GLCCI1: variants seen among roughly 807,000 people sequenced by gnomAD.
The protein encoded by GLCCI1 is glucocorticoid-induced transcript 1 protein.
GLCCI1 carries 24 observed loss-of-function variants against 52.2 expected under a neutral mutation model. The observed-to-expected ratio is 0.46, with a 90% CI of 0.33 to 0.65. The LOEUF (loss-of-function observed/expected upper bound fraction) is 0.65, where lower values mean the gene tolerates loss of function less well. GLCCI1 is among the 30% of genes least tolerant of loss of function. The probability of loss-of-function intolerance (pLI) is 0.02; values close to 1 mark genes in which losing one functional copy is unlikely to be tolerated. For missense variants in GLCCI1, 704 were observed against 701.5 expected (o/e 1.00, Z -0.04); for synonymous variants, 310 against 276.5 (o/e 1.12, Z -1.20).
At chr7:8,076,427 A>T (rs1435098232) in intron 6 of GLCCI1, among the ~76,000 whole-genome samples, 5 of 152,212 alleles carry the variant, frequency 3.3e-5, no homozygotes, top group Non-Finnish European at 7.4e-5. Flanking sequence ...AAATTGATCT[A>T]TTCTAGAATT....
At chr7:8,053,887 G>A (rs921746961) in intron 3 of GLCCI1, among the ~76,000 whole-genome samples, 1 of 152,066 alleles carries the variant, frequency 6.6e-6, no homozygotes, top group African/African-American at 2.4e-5. Context: ...ATTTAGGTTG[G>A]TAATCTAAGT....
intron 6 of GLCCI1, among the ~76,000 whole-genome samples, chr7:8,074,634 G>A (rs140123373): frequency 3.3e-5 from 5 of 152,056 alleles, no homozygotes; most frequent in Admixed American, 6.6e-5. Context: ...GCAGCAAGCC[G>A]AGATCACGTC....
intron 6 of GLCCI1, among the ~76,000 whole-genome samples, chr7:8,083,881 T>G (rs1783047383): frequency 6.6e-6 from 1 of 152,232 alleles, no homozygotes; most frequent in Admixed American, 6.5e-5. Context: ...AGTCAGATTT[T>G]AAATATTGGA....
chr7:8,071,288 C>A (rs1384620483), intron 6 of GLCCI1, among the ~76,000 whole-genome samples, 157 bp downstream of exon 6: 8 of 152,028 alleles, frequency 5.3e-5, no homozygotes, highest in African/African-American at 1.9e-4. Flanking sequence ...TTCACATACC[C>A]CCTTTTTTGT....
chr7:8,078,607 G>C (rs977818611), intron 6 of GLCCI1: 1 of 152,134 alleles, frequency 6.6e-6, no homozygotes, highest in Admixed American at 6.5e-5. Flanking sequence ...TTTCCTACAT[G>C]TCAGCAGATT....
At chr7:7,979,675 T>C (rs1435007955) in intron 1 of GLCCI1, among the ~76,000 whole-genome samples, 1 of 152,224 alleles carries the variant, frequency 6.6e-6, no homozygotes, top group Non-Finnish European at 1.5e-5. Context: ...TGCAGAAGTC[T>C]GAACTGTATT....
intron 1 of GLCCI1, among the ~76,000 whole-genome samples, chr7:7,990,328 C>T (rs1447801536): frequency 1.3e-5 from 2 of 152,200 alleles, no homozygotes; most frequent in African/African-American, 4.8e-5. Flanking sequence ...TAGTCTGTAT[C>T]GCCTGGACAG....
chr7:8,002,557 A>G (rs1411216074), intron 1 of GLCCI1, among the ~76,000 whole-genome samples: 1 of 152,202 alleles, frequency 6.6e-6, no homozygotes, highest in African/African-American at 2.4e-5. Context: ...GTTCTAAGCT[A>G]TTATCTGCCT....
chr7:8,071,130 A>G lies in GLCCI1; in HGVS notation c.1176A>G (p.Lys392=). Residue 392 remains lysine, a splice_region_variant and synonymous_variant, in exon 6 of 8, where the codon AAA becomes AAG. Transcript: ENST00000223145. ...STEDLLYDRD[K]DSGSSSPLPK... The stretch of plus-strand genomic sequence containing the variant: ...AAGATTTGCTCTATGATCGTGATAA[A>G]GGTAAGAATGGAATTGTCCACTTAG... The G allele has an allele frequency of 6.2e-7, 1 of 1,613,132 alleles. No individual in the cohort carries two copies. The highest frequency in any genetic ancestry group is 1.1e-5 in the South Asian group (1 of 91,050).
intron 3 of GLCCI1, among the ~76,000 whole-genome samples, chr7:8,023,530 C>T (rs1304086276): frequency 1.3e-5 from 2 of 149,822 alleles, no homozygotes; most frequent in Admixed American, 6.7e-5. Flanking sequence ...GAAAGGTCAT[C>T]CAGCCAATCT....
chr7:8,040,822 G>A (rs77720201), intron 3 of GLCCI1, among the ~76,000 whole-genome samples: 3,458 of 152,236 alleles, frequency 0.023, 136 homozygotes, highest in African/African-American at 0.077. Flanking sequence ...AACTTAATCC[G>A]TAAATGTATG....
intron 3 of GLCCI1, chr7:8,024,576 T>C (rs544622047): frequency 2.6e-5 from 4 of 152,206 alleles, no homozygotes; most frequent in Non-Finnish European, 5.9e-5. Context: ...ATAGTAAATA[T>C]GTGGATAAAT....
intron 3 of GLCCI1, among the ~76,000 whole-genome samples, chr7:8,053,335 G>GTTTTTTTTT (rs369225877): frequency 1.5e-5 from 2 of 134,038 alleles, no homozygotes; most frequent in African/African-American, 2.8e-5. Context: ...TTGTTTGTTT[G>GTTTTTTTTT]TTTGTTTTGA....
At chr7:7,997,881 C>CA (rs765067194) in intron 1 of GLCCI1, among the ~76,000 whole-genome samples, 3 of 151,690 alleles carry the variant, frequency 2.0e-5, no homozygotes, top group East Asian at 1.9e-4. Context: ...GAGCCGAGAT[C>CA]ATACCACTGT....
intron 3 of GLCCI1, among the ~76,000 whole-genome samples, chr7:8,025,547 A>G (rs1447114924): frequency 2.0e-5 from 3 of 152,170 alleles, no homozygotes; most frequent in Non-Finnish European, 4.4e-5. Flanking sequence ...AGAGGAAAAA[A>G]AAATTAAAGT....
At chr7:8,011,021 A>G (rs1472527580) in intron 2 of GLCCI1, among the ~76,000 whole-genome samples, 3 of 152,002 alleles carry the variant, frequency 2.0e-5, no homozygotes, top group African/African-American at 7.3e-5. Flanking sequence ...CAGGAGGCTG[A>G]GGCAAGAGAA....
At chr7:8,038,776 A>C (rs1196652608) in intron 3 of GLCCI1, among the ~76,000 whole-genome samples, 1 of 152,174 alleles carries the variant, frequency 6.6e-6, no homozygotes, top group Non-Finnish European at 1.5e-5. Flanking sequence ...GAGTTAATTA[A>C]ACTAAAAAGC....
At position 8,086,651 on chromosome 7, in the gene GLCCI1, C is replaced by T. The variant is rs1010428836; in HGVS notation, c.*113C>T. The T allele has an allele frequency of 3.6e-6, 3 of 829,134 alleles. No individual in the cohort carries two copies. The highest frequency in any genetic ancestry group is 3.4e-5 in the African/African-American group (2 of 58,422). The allele number at this position is 829,134 out of a possible 1,614,324, so 51.4% of individuals were successfully genotyped here. On this transcript the variant is annotated 3_prime_UTR_variant, in exon 8 of 8. Transcript: ENST00000223145. The surrounding 1 kb of genome is among the most constrained non-coding windows in gnomAD (Gnocchi z 4.4). ...CACCACCACCAATAATACTTATCAGCATCATAAAGTATCTCTTAAACACTG... is the reference window on the plus strand; with the variant it reads ...CACCACCACCAATAATACTTATCAGTATCATAAAGTATCTCTTAAACACTG...
At chr7:7,979,448 G>A (rs1366692666) in intron 1 of GLCCI1, among the ~76,000 whole-genome samples, 10 of 148,324 alleles carry the variant, frequency 6.7e-5, no homozygotes, top group Non-Finnish European at 1.4e-4. Context: ...GTTAGCTTGA[G>A]CTTTTTCTGG....
Sources: gnomAD v4.1 joint callset for allele counts (sites outside exome capture counted in the v4.1 genomes callset) on GRCh38, gnomAD v4.1.1 for gene constraint, Gnocchi (gnomAD v3.1) non-coding constraint, MANE v1.5 for transcripts, NCBI Gene and HGNC (gene_info 2026-07-23, HGNC 2026-07-21) for gene names.